API5: variants seen among roughly 807,000 people sequenced by gnomAD.
API5 encodes the protein apoptosis inhibitor 5, also known as FIF.
A neutral mutation model predicts 71.9 loss-of-function variants in API5; 6 were observed. That is an observed-to-expected ratio of 0.08 (90% CI 0.05 to 0.16). The LOEUF (loss-of-function observed/expected upper bound fraction) is 0.16, where lower values mean the gene tolerates loss of function less well. API5 is among the 10% of genes least tolerant of loss of function. The probability of loss-of-function intolerance (pLI) is 1.00; values close to 1 mark genes in which losing one functional copy is unlikely to be tolerated. For synonymous variants in API5, 189 were observed against 221.3 expected (o/e 0.85, Z 1.30); for missense variants, 332 against 612.8 (o/e 0.54, Z 4.84).
At chr11:43,330,263 T>G (rs1386744321) in intron 10 of API5, 1 of 613,370 alleles carries the variant, frequency 1.6e-6, no homozygotes, top group Non-Finnish European at 2.8e-6. Flanking sequence ...GTGACCTTAC[T>G]CATTTTTTAG....
intron 2 of API5, 119 bp from the exon 3 acceptor site, chr11:43,320,702 A>G (rs1004943713): frequency 7.0e-6 from 6 of 852,474 alleles, no homozygotes; most frequent in African/African-American, 6.9e-5. Flanking sequence ...CTGCACTCCA[A>G]CCTGGGCAAC....
chr11:43,323,311 G>A, intron 5 of API5, 119 bp from the exon 6 acceptor site: 1 of 942,748 alleles, frequency 1.1e-6, no homozygotes, highest in South Asian at 1.7e-5. Context: ...TCAGTATTTT[G>A]GAAGCATTAA....
At chr11:43,330,811 A>G (rs1855225671) in intron 11 of API5, among the ~76,000 whole-genome samples, 1 of 152,222 alleles carries the variant, frequency 6.6e-6, no homozygotes, top group African/African-American at 2.4e-5. Flanking sequence ...AAGAATGGAC[A>G]TGTGGTATGT....
intron 7 of API5, 58 bp from the exon 8 acceptor site, chr11:43,327,731 C>G (rs1276453556): frequency 1.7e-6 from 2 of 1,207,822 alleles, no homozygotes; most frequent in African/African-American, 1.5e-5. Context: ...TAGAATTACT[C>G]TCATTTCATA....
chr11:43,324,970 T>G (rs1178312543), intron 6 of API5, among the ~76,000 whole-genome samples: 2 of 152,092 alleles, frequency 1.3e-5, no homozygotes, highest in South Asian at 2.1e-4. Flanking sequence ...TGAGCCACCA[T>G]GCCTGGCCAT....
intron 13 of API5, 47 bp from the exon 14 acceptor site, chr11:43,342,381 C>T (rs1261292522): frequency 2.0e-6 from 3 of 1,505,598 alleles, no homozygotes; most frequent in East Asian, 2.3e-5. Flanking sequence ...GTTTGCTGCA[C>T]CATGAAATCC....
chr11:43,320,148 C>T (rs1348206473), intron 2 of API5, among the ~76,000 whole-genome samples: 1 of 149,524 alleles, frequency 6.7e-6, no homozygotes, highest in East Asian at 2.0e-4. Flanking sequence ...CTGGTTCAAG[C>T]GATTCTTCTG....
chr11:43,315,432 C>T (rs755993934), intron 1 of API5, among the ~76,000 whole-genome samples: 22 of 151,796 alleles, frequency 1.4e-4, no homozygotes, highest in Non-Finnish European at 2.9e-4. Flanking sequence ...TTGCACTGTA[C>T]CTTGCCCTTC....
At chr11:43,340,599 C>T (rs930186733) in intron 13 of API5, among the ~76,000 whole-genome samples, 1 of 151,712 alleles carries the variant, frequency 6.6e-6, no homozygotes, top group African/African-American at 2.4e-5. Flanking sequence ...AGCAATGGAA[C>T]AGAACAGAGA....
intron 10 of API5, 27 bp downstream of exon 10, chr11:43,330,085 A>C: frequency 6.4e-7 from 1 of 1,569,204 alleles, no homozygotes; most frequent in South Asian, 1.1e-5. Context: ...ACATTTCATA[A>C]ACTGCTAGTT....
chr11:43,314,760 A>G (rs1233434739), intron 1 of API5, among the ~76,000 whole-genome samples: 1 of 152,214 alleles, frequency 6.6e-6, no homozygotes, highest in African/African-American at 2.4e-5. Context: ...AAAACCGAAG[A>G]TAATGCCTAC....
rs748944289 is a variant in API5, at chr11:43,318,722, A to C, written c.152A>C (p.Lys51Thr). The C allele has an allele frequency of 4.3e-6, 7 of 1,613,888 alleles. No homozygotes were observed. Among genetic ancestry groups the C allele is most frequent in the Non-Finnish European group, 5.9e-6 (7 of 1,179,992 alleles). The change falls in exon 2 of 14, where the codon AAA (lysine) becomes ACA (threonine). Residue 51 changes from lysine (K) to threonine (T), a missense_variant. Coordinates refer to ENST00000531273, the MANE Select transcript of API5 (RefSeq NM_001142930.2). ...EKRLAAQFIP[K>T]FFKHFPELAD... ...CGATTAGCAGCTCAATTTATTCCGA[A>C]ATTCTTTAAGCATTTTCCAGAATTG... is the stretch of plus-strand genomic sequence containing the variant.
chr11:43,342,677 T>C lies in API5; in HGVS notation c.*167T>C, dbSNP rs1855661870. ...GACCTACTTTTGTAACAGACCATGG[T>C]TGTGTCCAAGGTAAAACCACAGTGA... On this transcript the variant is annotated 3_prime_UTR_variant, in exon 14 of 14. Coordinates refer to ENST00000531273, the MANE Select transcript of API5 (RefSeq NM_001142930.2). 2 of 751,886 alleles carry C rather than the reference T, an allele frequency of 2.7e-6. No homozygotes were observed. The allele number at this position is 751,886 out of a possible 1,614,324, so 46.6% of individuals were successfully genotyped here.
At chr11:43,319,762 G>A (rs1854802221) in intron 2 of API5, among the ~76,000 whole-genome samples, 1 of 152,072 alleles carries the variant, frequency 6.6e-6, no homozygotes, top group Non-Finnish European at 1.5e-5. Context: ...TCAGTATTTG[G>A]AATTAAACAT....
At chr11:43,334,482 A>T (rs951191334) in intron 11 of API5, among the ~76,000 whole-genome samples, 6 of 152,148 alleles carry the variant, frequency 3.9e-5, no homozygotes, top group African/African-American at 1.4e-4. Context: ...AAGTTTATAT[A>T]CCAGGGACGA....
intron 13 of API5, among the ~76,000 whole-genome samples, chr11:43,336,743 T>TC (rs1855446275): frequency 6.6e-6 from 1 of 152,108 alleles, no homozygotes; most frequent in South Asian, 2.1e-4. Context: ...GGGCAGTGGC[T>TC]CAAGCCTGTA....
chr11:43,336,280 C>A (rs1850598984), intron 13 of API5: 1 of 415,442 alleles, frequency 2.4e-6, no homozygotes, highest in South Asian at 7.9e-5. Flanking sequence ...GTTGACAGAA[C>A]CATTCTTTCC....
At chr11:43,330,438 C>T (rs1855214420) in intron 10 of API5, 70 bp from the exon 11 acceptor site, 3 of 1,105,482 alleles carry the variant, frequency 2.7e-6, no homozygotes, top group Non-Finnish European at 4.2e-6. Context: ...TACTCTAGTT[C>T]TATGACAGAA....
At chr11:43,321,624 A>G in intron 4 of API5, 148 bp downstream of exon 4, 1 of 640,248 alleles carries the variant, frequency 1.6e-6, no homozygotes. Context: ...CCTTAGGTCA[A>G]GATGTTTATG....
Sources: gnomAD v4.1 joint callset for allele counts (sites outside exome capture counted in the v4.1 genomes callset) on GRCh38, gnomAD v4.1.1 for gene constraint, MANE v1.5 for transcripts, NCBI Gene and HGNC (gene_info 2026-07-23, HGNC 2026-07-21) for gene names.